RBM46: variants seen among roughly 807,000 people sequenced by gnomAD.
The protein encoded by RBM46 is probable RNA-binding protein 46.
In RBM46, 12 loss-of-function variants were observed where a neutral mutation model predicts 43.3. The observed-to-expected ratio is 0.28, with a 90% confidence interval of 0.18 to 0.45. RBM46 has a LOEUF of 0.45. RBM46 is among the 20% of genes least tolerant of loss of function. The pLI is 1.00. For missense variants in RBM46, 412 were observed against 639.1 expected, an observed-to-expected ratio of 0.64 and a Z score of 3.83; for synonymous variants, 205 against 207.6, an observed-to-expected ratio of 0.99 and a Z score of 0.11.
intron 4 of RBM46, among the ~76,000 whole-genome samples, chr4:154,807,942 A>G (rs181923199): frequency 3.9e-4 from 60 of 152,102 alleles, no homozygotes; most frequent in African/African-American, 1.3e-3. Context: ...ACAATAGTTC[A>G]TATTTTAAGA....
At chr4:154,811,279 A>G (rs72959263) in intron 4 of RBM46, among the ~76,000 whole-genome samples, 4,708 of 152,276 alleles carry the variant, frequency 0.031, 158 homozygotes, top group East Asian at 0.18. Flanking sequence ...AAAAAAGAGT[A>G]TGGCATTTCG....
At chr4:154,797,234 A>G (rs1032083815) in intron 2 of RBM46, among the ~76,000 whole-genome samples, 2 of 152,224 alleles carry the variant, frequency 1.3e-5, no homozygotes. Context: ...AGCAGTGAGT[A>G]AGTGAGTGGT....
rs147094705 is a variant in RBM46 at position 154,798,293 on chromosome 4, T to G, written c.619+15T>G. The G allele has an allele frequency of 5.4e-5, 80 of 1,482,782 alleles. No homozygotes were observed. The African/African-American group carries it at 7.9e-4, about 15-fold the overall frequency. The allele number at this position is 1,482,782 out of a possible 1,614,324, so 91.9% of individuals were successfully genotyped here. A position where few individuals can be genotyped will look rare whatever the true frequency, so the allele number is the denominator to read the frequency against. On this transcript the variant is annotated intron_variant, in intron 3 of 4. Transcript: ENST00000281722. ...ACTAATTCCAGGTAAACTGAAAGGT[T>G]GTTTTTCAATATTAACATTATTACA...
At position 154,788,615 on chromosome 4, in the gene RBM46, C is replaced by T. The variant is rs565694722; in HGVS notation, c.-12+7179C>T. Among the ~76,000 whole-genome samples the T allele has an allele frequency of 1.1e-4, 16 of 152,264 alleles. No individual in the cohort carries two copies. In the East Asian group the frequency reaches 1.2e-3, roughly 11 times the overall value. On this transcript the variant is annotated intron_variant, in intron 1 of 4. Transcript: ENST00000281722. ...CCTTATATAGTTTGAAGTCAGGTAG[C>T]GTGGTGCGTCCAGCTTTGTTCTTTT...
intron 2 of RBM46, 122 bp from the exon 3 acceptor site, chr4:154,797,689 C>A: frequency 1.7e-6 from 1 of 585,182 alleles, no homozygotes; most frequent in East Asian, 3.0e-5. Flanking sequence ...ACTGTTGTAT[C>A]ACCAATACCT....
chr4:154,795,871 T>C (rs1419755061), intron 1 of RBM46, among the ~76,000 whole-genome samples: 1 of 151,978 alleles, frequency 6.6e-6, no homozygotes, highest in Non-Finnish European at 1.5e-5. Flanking sequence ...TCAAGAAATA[T>C]TTAGGGCCGG....
chr4:154,823,790 T>G (rs1269068517), intron 4 of RBM46, among the ~76,000 whole-genome samples: 2 of 152,102 alleles, frequency 1.3e-5, no homozygotes, highest in East Asian at 3.9e-4. Flanking sequence ...TAAACAGGCC[T>G]GACAAGTATG....
chr4:154,791,739 G>A (rs1387668447), intron 1 of RBM46, among the ~76,000 whole-genome samples: 1 of 152,110 alleles, frequency 6.6e-6, no homozygotes, highest in Admixed American at 6.6e-5. Flanking sequence ...TAAAAAATAA[G>A]ATGCATATCT....
rs1248398966 is a variant in RBM46, at chr4:154,817,414, C to T, written c.1403-10454C>T. Among the ~76,000 whole-genome samples the T allele has an allele frequency of 4.7e-5, 7 of 150,114 alleles. No homozygotes were observed. In the South Asian group the frequency reaches 1.1e-3, roughly 23 times the overall value. ...GTGGCGTGATCTCGGCTCACTGCAA[C>T]CTCCGCCTCCTGGGTTCAAGCAATT... On this transcript the variant is annotated intron_variant, in intron 4 of 4. Coordinates refer to ENST00000281722, the MANE Select transcript of RBM46 (RefSeq NM_144979.5).
chr4:154,827,467 GA>G (rs1025849717), intron 4 of RBM46: 8,632 of 677,934 alleles, frequency 0.013, 1 homozygote, highest in South Asian at 0.015. Flanking sequence ...CAGCTTCAAA[GA>G]AAAAAAAAAA....
intron 4 of RBM46, among the ~76,000 whole-genome samples, chr4:154,818,157 T>C (rs952896740): frequency 1.3e-5 from 2 of 152,188 alleles, no homozygotes; most frequent in Non-Finnish European, 2.9e-5. Context: ...TACATTGATA[T>C]TGATTTACAC....
intron 4 of RBM46, among the ~76,000 whole-genome samples, chr4:154,814,390 T>C (rs1395963040): frequency 1.3e-5 from 2 of 152,040 alleles, no homozygotes; most frequent in Non-Finnish European, 2.9e-5. Context: ...ACAAATAAGA[T>C]GGTAAATTAA....
At chr4:154,790,902 G>A (rs1291380580) in intron 1 of RBM46, among the ~76,000 whole-genome samples, 1 of 152,120 alleles carries the variant, frequency 6.6e-6, no homozygotes, top group Non-Finnish European at 1.5e-5. Context: ...ATATAGGGTG[G>A]GGCAGATTTG....
At chr4:154,827,832 G>A in intron 4 of RBM46, 36 bp from the exon 5 acceptor site, 2 of 1,609,022 alleles carry the variant, frequency 1.2e-6, no homozygotes, top group Non-Finnish European at 1.7e-6. Context: ...TGTCCATAAA[G>A]ATGTACAGCA....
intron 1 of RBM46, among the ~76,000 whole-genome samples, chr4:154,792,999 T>C (rs1271997533): frequency 2.0e-5 from 3 of 152,244 alleles, no homozygotes; most frequent in Non-Finnish European, 4.4e-5. Flanking sequence ...TCCTTATTCC[T>C]ACTCACCAAT....
intron 4 of RBM46, among the ~76,000 whole-genome samples, chr4:154,803,985 G>A (rs1262521658): frequency 6.6e-6 from 1 of 152,100 alleles, no homozygotes; most frequent in East Asian, 1.9e-4. Context: ...ACCACATCTG[G>A]TTGTTTAAAA....
intron 1 of RBM46, 96 bp downstream of exon 1, chr4:154,781,532 C>G: frequency 6.6e-6 from 1 of 152,646 alleles, no homozygotes; most frequent in Non-Finnish European, 1.5e-5. Context: ...ACAGTGGGGG[C>G]TGGCGGCGGT....
intron 4 of RBM46, among the ~76,000 whole-genome samples, chr4:154,821,074 A>G (rs72683233): frequency 1.4e-3 from 214 of 151,876 alleles, no homozygotes; most frequent in East Asian, 7.7e-3. Flanking sequence ...TAAGTCTGTT[A>G]TGTGGATTCA....
rs1314867633 is a variant in RBM46, at chr4:154,799,384, G to A, written c.1222G>A (p.Ala408Thr). ...TTATTACTGCAACAAAAATAACTGG[G>A]CACCACCAGAATATTATTTATATTC... Reference protein sequence around the residue: ...LDYYCNKNNWAPPEYYLYSTT... With the variant: ...LDYYCNKNNWTPPEYYLYSTT... The change falls in exon 4 of 5, where the codon GCA (alanine) becomes ACA (threonine). Residue 408 changes from alanine to threonine, a missense_variant. By Grantham distance (58) the Ala-to-Thr change is moderately conservative (BLOSUM62 0). This residue lies in a region of RBM46 where 149 missense variants were observed against 156.3 expected (regional missense o/e 0.95). Coordinates refer to ENST00000281722, the MANE Select transcript of RBM46 (RefSeq NM_144979.5). 13 of 1,614,006 alleles carry A rather than the reference G, an allele frequency of 8.1e-6. No homozygotes were observed. Among genetic ancestry groups the A allele is most frequent in the Non-Finnish European group, 1.1e-5 (13 of 1,179,980 alleles).
Sources: gnomAD v4.1 joint callset for allele counts (sites outside exome capture counted in the v4.1 genomes callset) on GRCh38, gnomAD v4.1.1 for gene constraint, gnomAD v4.1.1 regional missense constraint, MANE v1.5 for transcripts, NCBI Gene and HGNC (gene_info 2026-07-23, HGNC 2026-07-21) for gene names.